The following SLC24A3 variants were observed in gnomAD, a reference collection of about 807,000 sequenced individuals.
SLC24A3 encodes solute carrier family 24 member 3.
SLC24A3 carries 28 observed loss-of-function variants against 75.8 expected under a neutral mutation model. The observed-to-expected ratio is 0.37, with a 90% CI of 0.27 to 0.51. The LOEUF (loss-of-function observed/expected upper bound fraction) is 0.51. Among genes scored for constraint, SLC24A3 ranks in the 20% least tolerant of loss-of-function variants. SLC24A3 has a pLI of 0.94. For synonymous variants in SLC24A3, 372 were observed against 334.1 expected (o/e 1.11, Z -1.24); for missense variants, 663 against 847.8 (o/e 0.78, Z 2.71).
chr20:19,598,638 G>A (rs2031481856), intron 6 of SLC24A3, among the ~76,000 whole-genome samples: 1 of 152,124 alleles, frequency 6.6e-6, no homozygotes. Flanking sequence ...GTTGGGGCAT[G>A]GAAAATTAGA....
chr20:19,629,185 A>G (rs1159991373), intron 6 of SLC24A3, among the ~76,000 whole-genome samples: 2 of 152,074 alleles, frequency 1.3e-5, no homozygotes, highest in African/African-American at 4.8e-5. Flanking sequence ...TATACAAACA[A>G]AATGAGAGCA....
intron 2 of SLC24A3, among the ~76,000 whole-genome samples, chr20:19,476,979 G>C (rs1987972069): frequency 6.6e-6 from 1 of 152,104 alleles, no homozygotes; most frequent in African/African-American, 2.4e-5. Context: ...TTTTCTTGCT[G>C]TGGGTAAACC....
intron 15 of SLC24A3, among the ~76,000 whole-genome samples, chr20:19,711,134 C>T (rs2032984209): frequency 6.6e-6 from 1 of 150,916 alleles, no homozygotes; most frequent in Non-Finnish European, 1.5e-5. Flanking sequence ...TGCAGGCAAA[C>T]ACACACACAC....
intron 6 of SLC24A3, among the ~76,000 whole-genome samples, chr20:19,591,716 T>G (rs1171012887): frequency 6.6e-6 from 1 of 152,210 alleles, no homozygotes; most frequent in East Asian, 1.9e-4. Flanking sequence ...TCAATTGGTT[T>G]AGGTTAATCA....
At chr20:19,326,290 C>T (rs367610427) in intron 2 of SLC24A3, among the ~76,000 whole-genome samples, 34 of 152,194 alleles carry the variant, frequency 2.2e-4, no homozygotes, top group African/African-American at 7.9e-4. Context: ...GAGGGGCCAT[C>T]ATCATCCTCT....
intron 3 of SLC24A3, among the ~76,000 whole-genome samples, chr20:19,522,958 T>C (rs2030131908): frequency 1.3e-5 from 2 of 152,106 alleles, no homozygotes; most frequent in South Asian, 2.1e-4. Flanking sequence ...AATTTTGAAA[T>C]ACATATTATT....
chr20:19,517,290 C>G (rs1213956648), intron 3 of SLC24A3, among the ~76,000 whole-genome samples: 1 of 152,182 alleles, frequency 6.6e-6, no homozygotes, highest in Non-Finnish European at 1.5e-5. Context: ...GATTTCCACT[C>G]TGGACCCAAA....
chr20:19,492,803 A>G (rs1362379010), intron 2 of SLC24A3, among the ~76,000 whole-genome samples: 2 of 152,172 alleles, frequency 1.3e-5, no homozygotes, highest in Non-Finnish European at 2.9e-5. Context: ...ATAACTATTA[A>G]CATTTACAAA....
At chr20:19,639,934 G>A (rs866801587) in intron 6 of SLC24A3, among the ~76,000 whole-genome samples, 10 of 152,244 alleles carry the variant, frequency 6.6e-5, no homozygotes, top group Non-Finnish European at 1.2e-4. Flanking sequence ...CCGAGTGCGG[G>A]GGCTGCCAAG....
chr20:19,640,430 G>A (rs553373428), intron 6 of SLC24A3, among the ~76,000 whole-genome samples: 1 of 152,252 alleles, frequency 6.6e-6, no homozygotes, highest in South Asian at 2.1e-4. Context: ...TGTCCTGCTT[G>A]ATTTTTTTTA....
At chr20:19,540,206 A>C (rs2030471220) in intron 3 of SLC24A3, among the ~76,000 whole-genome samples, 1 of 152,178 alleles carries the variant, frequency 6.6e-6, no homozygotes, top group African/African-American at 2.4e-5. Context: ...TCTGAGTCCC[A>C]GCATGACCCA....
intron 2 of SLC24A3, among the ~76,000 whole-genome samples, chr20:19,494,877 G>T (rs933080262): frequency 1.3e-5 from 2 of 152,204 alleles, no homozygotes; most frequent in African/African-American, 2.4e-5. Flanking sequence ...AGGTTGTCTC[G>T]GGTTGGGTCC....
chr20:19,477,343 A>C (rs372849077), intron 2 of SLC24A3, among the ~76,000 whole-genome samples: 9 of 152,212 alleles, frequency 5.9e-5, no homozygotes, highest in South Asian at 2.1e-4. Flanking sequence ...TGTGGATGCC[A>C]CTAACGTTTA....
intron 6 of SLC24A3, among the ~76,000 whole-genome samples, chr20:19,607,053 G>T (rs761023209): frequency 6.6e-6 from 1 of 152,178 alleles, no homozygotes; most frequent in Non-Finnish European, 1.5e-5. Context: ...TTATCTTCAA[G>T]GAAGCCACCA....
intron 2 of SLC24A3, among the ~76,000 whole-genome samples, chr20:19,385,557 C>T (rs992459742): frequency 3.3e-5 from 5 of 151,788 alleles, no homozygotes; most frequent in Non-Finnish European, 7.4e-5. Context: ...AGTCAGGTGG[C>T]GTGATGCCTC....
chr20:19,292,112 C>T (rs369138139), intron 2 of SLC24A3, among the ~76,000 whole-genome samples: 4 of 152,204 alleles, frequency 2.6e-5, no homozygotes, highest in Non-Finnish European at 2.9e-5. Context: ...GGACCAGCCG[C>T]GTAATCTCTC....
At chr20:19,574,079 G>A (rs1240780946) in intron 3 of SLC24A3, among the ~76,000 whole-genome samples, 2 of 152,190 alleles carry the variant, frequency 1.3e-5, no homozygotes, top group African/African-American at 2.4e-5. Context: ...TTGAGTTGGT[G>A]CTGCACACAT....
At chr20:19,662,940 C>T (rs1263884302) in intron 7 of SLC24A3, among the ~76,000 whole-genome samples, 5 of 152,202 alleles carry the variant, frequency 3.3e-5, no homozygotes, top group African/African-American at 1.2e-4. Flanking sequence ...CAAACAGCGC[C>T]AGTCCTAATT....
At chr20:19,528,402 A>G (rs2030238034) in intron 3 of SLC24A3, among the ~76,000 whole-genome samples, 1 of 152,104 alleles carries the variant, frequency 6.6e-6, no homozygotes, top group South Asian at 2.1e-4. Context: ...CCCTTAACCC[A>G]TCCTTATTTC....
Sources: gnomAD v4.1 joint callset for allele counts (sites outside exome capture counted in the v4.1 genomes callset) on GRCh38, gnomAD v4.1.1 for gene constraint, MANE v1.5 for transcripts, NCBI Gene and HGNC (gene_info 2026-07-23, HGNC 2026-07-21) for gene names.